The following C4orf50 variants were observed in gnomAD, a reference collection of about 807,000 sequenced individuals.
C4orf50 encodes uncharacterized protein C4orf50.
A neutral mutation model predicts 77.2 loss-of-function variants in C4orf50; 80 were observed. That is an observed-to-expected ratio of 1.04 (90% CI 0.87 to 1.25). The LOEUF (loss-of-function observed/expected upper bound fraction) is 1.25. Ranked by LOEUF, C4orf50 falls within the 50% of genes most tolerant of loss-of-function variation. C4orf50 has a pLI of 0.00. For missense variants in C4orf50, 1,257 were observed against 1,152.9 expected (o/e 1.09, Z -1.31); for synonymous variants, 532 against 465.3 (o/e 1.14, Z -1.84).
intron 23 of C4orf50, among the ~76,000 whole-genome samples, chr4:6,016,609 T>C (rs991157914): frequency 1.6e-4 from 24 of 152,076 alleles, no homozygotes; most frequent in African/African-American, 5.1e-4. Context: ...CTTCACTTAG[T>C]CACAGTTTCC....
At chr4:5,991,521 T>C (rs1402911002) in intron 27 of C4orf50, among the ~76,000 whole-genome samples, 1 of 152,168 alleles carries the variant, frequency 6.6e-6, no homozygotes, top group African/African-American at 2.4e-5. Flanking sequence ...TCTTCACTTA[T>C]GTGATGTGTT....
intron 28 of C4orf50, among the ~76,000 whole-genome samples, chr4:5,984,412 C>A (rs915884588): frequency 3.3e-5 from 5 of 152,082 alleles, no homozygotes; most frequent in Non-Finnish European, 4.4e-5. Flanking sequence ...AAAACAAAAC[C>A]AAACCCCTCA....
At chr4:5,968,806 G>A (rs888549497) in intron 31 of C4orf50, among the ~76,000 whole-genome samples, 1 of 152,292 alleles carries the variant, frequency 6.6e-6, no homozygotes, top group African/African-American at 2.4e-5. Context: ...CGCGAGACTG[G>A]GGTTTTGTTC....
intron 29 of C4orf50, among the ~76,000 whole-genome samples, chr4:5,977,874 A>T (rs1160064958): frequency 6.6e-6 from 1 of 152,262 alleles, no homozygotes; most frequent in East Asian, 1.9e-4. Context: ...AGAAGAAATT[A>T]AAAAGATAAC....
At chr4:5,942,976 G>A (rs548869051) in intron 7 of C4orf50, among the ~76,000 whole-genome samples, 24 of 151,936 alleles carry the variant, frequency 1.6e-4, no homozygotes, top group Non-Finnish European at 2.6e-4. Context: ...ACTCAAATAC[G>A]TATATATTAA....
chr4:5,989,275 C>T, exon 28 of C4orf50: 2 of 1,536,060 alleles, frequency 1.3e-6, no homozygotes, highest in Non-Finnish European at 1.7e-6. Flanking sequence ...ATGAAACCTG[C>T]TCCTCACTCT....
At chr4:5,926,320 TGAAAG>T (rs1183114961) in intron 7 of C4orf50, among the ~76,000 whole-genome samples, 3 of 151,854 alleles carry the variant, frequency 2.0e-5, no homozygotes, top group African/African-American at 7.3e-5. Flanking sequence ...GGACGCTAGG[TGAAAG>T]GAAACAGACA....
At chr4:5,899,977 G>C (rs1716276221) in intron 7 of C4orf50, 1 of 152,164 alleles carries the variant, frequency 6.6e-6, no homozygotes, top group South Asian at 2.1e-4. Context: ...ACCCTGCCTG[G>C]ACTCCCAGCC....
chr4:5,898,274 T>C (rs1348297895), intron 7 of C4orf50: 1 of 152,228 alleles, frequency 6.6e-6, no homozygotes. Context: ...AAACCCGAAC[T>C]GTGGAAGAGA....
chr4:5,989,113 T>C lies in C4orf50; in HGVS notation c.2933A>G (p.Asp978Gly), dbSNP rs554643814. 6 of 1,536,090 alleles carry C rather than the reference T, an allele frequency of 3.9e-6. No individual in the cohort carries two copies. The African/African-American group carries it at 8.2e-5, about 21-fold the overall frequency. ...GATGTCCCCTACCAGCCTGTGGTTA[T>C]CCCGCTCGAGCCTGGATATTTTTGT... Residue 978 changes from aspartate to glycine, a missense_variant, in exon 28 of 34, where the codon GAT becomes GGT. Physicochemically the swap from Asp to Gly is moderately conservative, Grantham distance 94. Transcript: ENST00000531445.
In C4orf50 at chr4:5,916,658, G is replaced by T. The variant is rs559239936; in HGVS notation, c.*2475-18470C>A. ...GTTTATTTGGGGGGAGATCCCAGAA[G>T]TAGGAGTGAGGGAGCAGGGAGGTGA... On this transcript the variant is annotated intron_variant, in intron 7 of 7. Coordinates refer to the C4orf50 transcript ENST00000324058. This position sits in a 1 kb window ranked among gnomAD's most constrained non-coding sequence, Gnocchi z 4.4. 5.3e-5 allele frequency among the ~76,000 whole-genome samples: 8 copies of T among 152,340 alleles called. No individual in the cohort carries two copies. Among genetic ancestry groups the T allele is most frequent in the African/African-American group, 1.9e-4 (8 of 41,580 alleles).
chr4:5,999,249 C>A (rs1465112290), intron 25 of C4orf50, among the ~76,000 whole-genome samples: 1 of 152,184 alleles, frequency 6.6e-6, no homozygotes. Context: ...CAGGTGGGGC[C>A]AAGCCTGTGC....
At chr4:5,990,049 A>T (rs1721169588) in exon 28 of C4orf50, 2 of 1,351,068 alleles carry the variant, frequency 1.5e-6, no homozygotes. Flanking sequence ...TGGGGGTGCC[A>T]CTTCCTCATT....
intron 7 of C4orf50, among the ~76,000 whole-genome samples, chr4:5,935,811 G>A (rs1247893541): frequency 6.6e-3 from 486 of 73,828 alleles, no homozygotes; most frequent in Middle Eastern, 9.6e-3. Context: ...AAAAAAAAAA[G>A]CCCCAGAGGC....
At position 6,007,366 on chromosome 4, in the gene C4orf50, G is replaced by A. The variant is rs115551839; in HGVS notation, c.963+630C>T. Among the ~76,000 whole-genome samples the A allele has an allele frequency of 7.9e-3, 1,204 of 152,104 alleles. 18 individuals are homozygous for A. The highest frequency in any genetic ancestry group is 0.027 in the African/African-American group (1,126 of 41,456). On this transcript the variant is annotated intron_variant, in intron 25 of 33. Coordinates refer to ENST00000531445, the Ensembl canonical transcript of C4orf50. This position sits in a 1 kb window ranked among gnomAD's most constrained non-coding sequence, Gnocchi z 4.1. ...GGTGGAGGCTTCATGAATGGTATTA[G>A]TACCCTTACTAATTAGTACCCCAGA...
intron 28 of C4orf50, among the ~76,000 whole-genome samples, chr4:5,987,671 G>A (rs1577969138): frequency 6.6e-6 from 1 of 151,846 alleles, no homozygotes; most frequent in East Asian, 1.9e-4. Context: ...GGAAAGGAGG[G>A]AGAGAGGGTG....
In C4orf50 at chr4:5,976,457, GAAAAAAAAAAA is replaced by G. The variant is rs138450804; in HGVS notation, c.3865-513_3865-503del. ...GGCGAGAGAGCGAGGCTCTGTCTCG[GAAAAAAAAAAA>G]AAAAAAAAAAAAAAGAATCAGCTCT... On this transcript the variant is annotated intron_variant, in intron 29 of 33. Transcript: ENST00000531445. Among the ~76,000 whole-genome samples, 6 of 93,102 alleles carry G rather than the reference GAAAAAAAAAAA, an allele frequency of 6.4e-5. 1 individual carries two copies. The highest frequency in any genetic ancestry group is 1.3e-4 in the Admixed American group (1 of 7,466). The allele number at this position is 93,102 out of a possible 152,430, so 61.1% of individuals were successfully genotyped here. A position where few individuals can be genotyped will look rare whatever the true frequency, so the allele number is the denominator to read the frequency against.
intron 28 of C4orf50, among the ~76,000 whole-genome samples, chr4:5,985,591 T>A (rs563136649): frequency 2.0e-5 from 3 of 150,860 alleles, no homozygotes; most frequent in Admixed American, 1.3e-4. Context: ...TAACAAAATA[T>A]AATTAATACC....
At chr4:6,003,512 ATGGTGATGATGATGTGG>A (rs1273271618) in intron 25 of C4orf50, among the ~76,000 whole-genome samples, 1 of 151,410 alleles carries the variant, frequency 6.6e-6, no homozygotes, top group Admixed American at 6.6e-5. Context: ...GATGATGGTG[ATGGTGATGATGATGTGG>A]TGGTGATGGT....
Sources: gnomAD v4.1 joint callset for allele counts (sites outside exome capture counted in the v4.1 genomes callset) on GRCh38, gnomAD v4.1.1 for gene constraint, Gnocchi (gnomAD v3.1) non-coding constraint, MANE v1.5 for transcripts, NCBI Gene and HGNC (gene_info 2026-07-23, HGNC 2026-07-21) for gene names.